KCNIP4: variants seen among roughly 807,000 people sequenced by gnomAD.
KCNIP4 encodes Kv channel-interacting protein 4.
KCNIP4 carries 12 observed loss-of-function variants against 34.0 expected under a neutral mutation model. The ratio of observed to expected loss-of-function variants is 0.35; its 90% confidence interval spans 0.23 to 0.57. The LOEUF (loss-of-function observed/expected upper bound fraction) is 0.57. KCNIP4 is among the 20% of genes least tolerant of loss of function. The pLI is 0.83. For missense variants in KCNIP4, 238 were observed against 311.7 expected, an observed-to-expected ratio of 0.76 and a Z score of 1.78; for synonymous variants, 124 against 102.2, an observed-to-expected ratio of 1.21 and a Z score of -1.29.
chr4:21,447,924 C>A (rs1315179797), intron 1 of KCNIP4, among the ~76,000 whole-genome samples: 1 of 152,086 alleles, frequency 6.6e-6, no homozygotes, highest in Non-Finnish European at 1.5e-5. Context: ...CTCAGAATGG[C>A]AAGCAACTTT....
intron 3 of KCNIP4, among the ~76,000 whole-genome samples, chr4:20,811,910 C>A (rs949927483): frequency 6.6e-6 from 1 of 152,012 alleles, no homozygotes. Flanking sequence ...TGGGGCTGGA[C>A]AGATTTTGCA....
intron 1 of KCNIP4, among the ~76,000 whole-genome samples, chr4:21,938,947 ATGAT>A (rs1260791385): frequency 2.0e-5 from 3 of 152,160 alleles, no homozygotes; most frequent in African/African-American, 7.2e-5. Context: ...TTTTAAATGA[ATGAT>A]TGTTTAATAA....
chr4:20,920,436 G>C (rs1729280210), intron 1 of KCNIP4, among the ~76,000 whole-genome samples: 1 of 152,092 alleles, frequency 6.6e-6, no homozygotes, highest in Non-Finnish European at 1.5e-5. Flanking sequence ...CCATCTTTAT[G>C]CAACCCAGAC....
chr4:20,923,262 G>A (rs975364655), intron 1 of KCNIP4, among the ~76,000 whole-genome samples: 55 of 152,246 alleles, frequency 3.6e-4, no homozygotes, highest in African/African-American at 1.2e-3. Context: ...CTGGCACTGA[G>A]CTAACACCAT....
At chr4:21,851,535 G>T (rs1391526203) in intron 1 of KCNIP4, 1 of 152,098 alleles carries the variant, frequency 6.6e-6, no homozygotes, top group African/African-American at 2.4e-5. Context: ...AAGCCAAACT[G>T]CACTTTACCC....
intron 1 of KCNIP4, among the ~76,000 whole-genome samples, chr4:21,683,174 A>G (rs1750520160): frequency 6.6e-6 from 1 of 152,188 alleles, no homozygotes; most frequent in Non-Finnish European, 1.5e-5. Context: ...ATGCATCTTA[A>G]AATCCCTTAC....
intron 1 of KCNIP4, among the ~76,000 whole-genome samples, chr4:21,859,398 G>T (rs1246639296): frequency 6.6e-6 from 1 of 151,834 alleles, no homozygotes; most frequent in Non-Finnish European, 1.5e-5. Flanking sequence ...CACGAGGTCA[G>T]GAGATCGAGA....
intron 1 of KCNIP4, among the ~76,000 whole-genome samples, chr4:21,738,848 G>A (rs781101472): frequency 6.6e-6 from 1 of 152,082 alleles, no homozygotes; most frequent in African/African-American, 2.4e-5. Flanking sequence ...AACGGCATAA[G>A]ATATATAGAC....
At chr4:21,093,432 A>G (rs1423235813) in intron 1 of KCNIP4, among the ~76,000 whole-genome samples, 1 of 152,254 alleles carries the variant, frequency 6.6e-6, no homozygotes, top group Non-Finnish European at 1.5e-5. Context: ...TAGAAAAGCA[A>G]TTGAACAAAC....
At chr4:21,937,725 T>C (rs1729940811) in intron 1 of KCNIP4, among the ~76,000 whole-genome samples, 1 of 152,106 alleles carries the variant, frequency 6.6e-6, no homozygotes, top group African/African-American at 2.4e-5. Flanking sequence ...ACAGTTCCCC[T>C]GGCCAGAAAC....
intron 3 of KCNIP4, among the ~76,000 whole-genome samples, chr4:20,811,646 G>A (rs534837306): frequency 6.6e-6 from 1 of 152,296 alleles, no homozygotes; most frequent in Admixed American, 6.5e-5. Flanking sequence ...AAGAACAAAC[G>A]TGATCATATC....
chr4:21,761,801 A>C (rs1416869924), intron 1 of KCNIP4, among the ~76,000 whole-genome samples: 1 of 152,140 alleles, frequency 6.6e-6, no homozygotes, highest in Non-Finnish European at 1.5e-5. Flanking sequence ...AAAATTCCTT[A>C]CTTTGCAAAT....
intron 1 of KCNIP4, among the ~76,000 whole-genome samples, chr4:21,153,877 T>C (rs1036229060): frequency 6.6e-6 from 1 of 152,034 alleles, no homozygotes; most frequent in Non-Finnish European, 1.5e-5. Context: ...GTACCCACCA[T>C]GGGTGGTCAG....
chr4:21,235,135 T>A (rs983296909), intron 1 of KCNIP4, among the ~76,000 whole-genome samples: 5 of 152,208 alleles, frequency 3.3e-5, no homozygotes, highest in Non-Finnish European at 5.9e-5. Context: ...GTCTATTGGC[T>A]ATGAAGTCAC....
chr4:20,870,320 T>G (rs1723311339), intron 2 of KCNIP4, among the ~76,000 whole-genome samples: 1 of 151,998 alleles, frequency 6.6e-6, no homozygotes, highest in African/African-American at 2.4e-5. Context: ...CCCCCTTCAC[T>G]CTGTCTCTCC....
intron 2 of KCNIP4, among the ~76,000 whole-genome samples, chr4:20,880,131 A>G (rs1724510689): frequency 6.6e-6 from 1 of 152,228 alleles, no homozygotes; most frequent in African/African-American, 2.4e-5. Context: ...TGGTATTGAT[A>G]TGACATAATT....
intron 1 of KCNIP4, among the ~76,000 whole-genome samples, chr4:21,715,288 T>C (rs1046754200): frequency 1.1e-4 from 17 of 151,800 alleles, no homozygotes; most frequent in Admixed American, 3.9e-4. Flanking sequence ...CCCGCCATCA[T>C]GCCCGGCTAA....
chr4:20,839,494 T>TTAGA (rs1553904200), intron 3 of KCNIP4, among the ~76,000 whole-genome samples: 131 of 124,152 alleles, frequency 1.1e-3, no homozygotes, highest in South Asian at 7.8e-3. Flanking sequence ...TATATCTATA[T>TTAGA]TATATATATA....
chr4:21,383,866 C>A (rs542553804), intron 1 of KCNIP4, among the ~76,000 whole-genome samples: 3 of 152,104 alleles, frequency 2.0e-5, no homozygotes, highest in African/African-American at 7.2e-5. Flanking sequence ...TAAGCAAATA[C>A]ATAGATAAAT....
Sources: gnomAD v4.1 joint callset for allele counts (sites outside exome capture counted in the v4.1 genomes callset) on GRCh38, gnomAD v4.1.1 for gene constraint, MANE v1.5 for transcripts, NCBI Gene and HGNC (gene_info 2026-07-23, HGNC 2026-07-21) for gene names.